GABRG1: variants seen among roughly 807,000 people sequenced by gnomAD.
The protein encoded by GABRG1 is gamma-aminobutyric acid type A receptor subunit gamma1.
A neutral mutation model predicts 49.8 loss-of-function variants in GABRG1; 49 were observed. The observed-to-expected ratio is 0.98, with a 90% CI of 0.78 to 1.25. The LOEUF (loss-of-function observed/expected upper bound fraction) is 1.25. Among genes scored for constraint, GABRG1 ranks in the 50% most tolerant of loss-of-function variants. The pLI is 0.00. For missense variants in GABRG1, 552 were observed against 552.3 expected, an observed-to-expected ratio of 1.00 and a Z score of 0.01; for synonymous variants, 232 against 185.1, an observed-to-expected ratio of 1.25 and a Z score of -2.06.
chr4:46,084,024 A>T lies in GABRG1; in HGVS notation c.283T>A (p.Tyr95Asn). The T allele has an allele frequency of 6.3e-7, 1 of 1,586,186 alleles. No individual in the cohort carries two copies. Among genetic ancestry groups the T allele is most frequent in the Non-Finnish European group, 8.6e-7 (1 of 1,160,452 alleles). ...VRPTVIETDV[Y>N]VNSIGPVDPI... Reference sequence around the variant, plus strand: ...TCAACTGGTCCAATGCTGTTTACATAAACATCAGTTTCAATTACTGTGGGC... The same window carrying T: ...TCAACTGGTCCAATGCTGTTTACATTAACATCAGTTTCAATTACTGTGGGC... Residue 95 changes from tyrosine to asparagine, a missense_variant, in exon 3 of 9, where the codon TAT (tyrosine) becomes AAT (asparagine). Tyr to Asn is a moderately radical substitution (Grantham distance 143). Transcript: ENST00000295452.
At chr4:46,081,623 T>A (rs1577653587) in intron 3 of GABRG1, among the ~76,000 whole-genome samples, 1 of 151,888 alleles carries the variant, frequency 6.6e-6, no homozygotes, top group Non-Finnish European at 1.5e-5. Flanking sequence ...TATTATAATA[T>A]TGAATAAATA....
intron 2 of GABRG1, among the ~76,000 whole-genome samples, chr4:46,086,761 C>A (rs1280799225): frequency 6.6e-6 from 1 of 151,492 alleles, no homozygotes; most frequent in Non-Finnish European, 1.5e-5. Flanking sequence ...AGCAAGCAAC[C>A]ACCTAGTGTG....
intron 3 of GABRG1, among the ~76,000 whole-genome samples, chr4:46,068,371 G>T (rs1050424492): frequency 6.6e-6 from 1 of 152,078 alleles, no homozygotes; most frequent in Non-Finnish European, 1.5e-5. Context: ...ATTAAATGTG[G>T]CACTTGAGAA....
At chr4:46,119,231 G>A (rs1721023573) in intron 1 of GABRG1, among the ~76,000 whole-genome samples, 2 of 151,220 alleles carry the variant, frequency 1.3e-5, no homozygotes, top group Admixed American at 1.3e-4. Context: ...TGCTTAATGT[G>A]ATTTTATCAA....
At chr4:46,085,528 C>T (rs1472964366) in intron 2 of GABRG1, among the ~76,000 whole-genome samples, 1 of 151,516 alleles carries the variant, frequency 6.6e-6, no homozygotes, top group Non-Finnish European at 1.5e-5. Context: ...TTGAGTTATT[C>T]TGTTCACCAT....
intron 1 of GABRG1, among the ~76,000 whole-genome samples, chr4:46,123,101 AACACACACAC>A (rs34086673): frequency 0.034 from 4,343 of 129,540 alleles, 236 homozygotes; most frequent in African/African-American, 0.11. Flanking sequence ...CATACACACA[AACACACACAC>A]ACACACACAC....
chr4:46,050,982 G>A (rs947856066), intron 8 of GABRG1, among the ~76,000 whole-genome samples: 1 of 151,604 alleles, frequency 6.6e-6, no homozygotes, highest in Non-Finnish European at 1.5e-5. Flanking sequence ...ATTGAGATGG[G>A]AGAGTAAAAT....
At chr4:46,098,683 T>C (rs1296456799) in intron 1 of GABRG1, among the ~76,000 whole-genome samples, 3 of 151,746 alleles carry the variant, frequency 2.0e-5, no homozygotes, top group Non-Finnish European at 4.4e-5. Flanking sequence ...GAAATATTAC[T>C]GCTTTTGATT....
rs1358401784 is a variant in GABRG1 at position 46,037,139 on chromosome 4, A to G, written c.*3849T>C. On this transcript the variant is annotated 3_prime_UTR_variant, in exon 9 of 9. Coordinates refer to ENST00000295452, the MANE Select transcript of GABRG1 (RefSeq NM_173536.4). ...TATAACTAATCCTCTCATCTTTCTG[A>G]CTACATTATATGTTCCTTGAAAGTC... 6.6e-6 allele frequency: 1 copy of G among 151,802 alleles called. No individual in the cohort carries two copies. The highest frequency in any genetic ancestry group is 1.5e-5 in the Non-Finnish European group (1 of 67,850). 9.4% of individuals were successfully genotyped at this position (151,802 alleles called of 1,614,324 possible).
chr4:46,103,342 T>C (rs1720443261), intron 1 of GABRG1, among the ~76,000 whole-genome samples: 1 of 151,642 alleles, frequency 6.6e-6, no homozygotes, highest in Admixed American at 6.6e-5. Flanking sequence ...GTACTGAGTA[T>C]ATGTACAGAA....
chr4:46,119,221 T>A lies in GABRG1; in HGVS notation c.104+4589A>T, dbSNP rs183767333. On this transcript the variant is annotated intron_variant, in intron 1 of 8. Transcript: ENST00000295452. ...GTGATAGGTACAAAGTAGATTTTTC[T>A]GCTTAATGTGATTTTATCAATGAAC... 3.2e-3 allele frequency among the ~76,000 whole-genome samples: 479 copies of A among 151,554 alleles called. 8 individuals are homozygous for A. The highest frequency in any genetic ancestry group is 6.4e-3 in the East Asian group (33 of 5,152).
chr4:46,069,745 T>C (rs1349400603), intron 3 of GABRG1, among the ~76,000 whole-genome samples: 1 of 152,114 alleles, frequency 6.6e-6, no homozygotes, highest in African/African-American at 2.4e-5. Context: ...TTGTTAGTTT[T>C]ATAATGTACT....
intron 1 of GABRG1, among the ~76,000 whole-genome samples, chr4:46,119,872 T>A (rs1413502487): frequency 6.6e-6 from 1 of 151,676 alleles, no homozygotes; most frequent in African/African-American, 2.4e-5. Flanking sequence ...CACACAAGGA[T>A]CCATATATTT....
At chr4:46,121,236 A>C (rs1364036383) in intron 1 of GABRG1, among the ~76,000 whole-genome samples, 1 of 151,894 alleles carries the variant, frequency 6.6e-6, no homozygotes, top group East Asian at 1.9e-4. Context: ...ATCATATAAA[A>C]CACTAAAATG....
At chr4:46,119,019 A>T (rs1050924677) in intron 1 of GABRG1, among the ~76,000 whole-genome samples, 1 of 151,256 alleles carries the variant, frequency 6.6e-6, no homozygotes, top group African/African-American at 2.4e-5. Context: ...TATATATAGC[A>T]TCCTTTAAAA....
At position 46,066,291 on chromosome 4, in the gene GABRG1, T is replaced by C. The variant is rs567523311; in HGVS notation, c.322-707A>G. ...AAATTTTTTAAGAGCCCTTACATTG[T>C]TTTTTGTCTAAAAAGTTAATTCCAA... On this transcript the variant is annotated intron_variant, in intron 3 of 8. Coordinates refer to ENST00000295452, the MANE Select transcript of GABRG1 (RefSeq NM_173536.4). 2.0e-5 allele frequency among the ~76,000 whole-genome samples: 3 copies of C among 152,252 alleles called. No individual in the cohort carries two copies. The East Asian group carries it at 5.8e-4, about 29-fold the overall frequency.
At chr4:46,103,686 A>G (rs1014952076) in intron 1 of GABRG1, among the ~76,000 whole-genome samples, 3 of 151,470 alleles carry the variant, frequency 2.0e-5, no homozygotes, top group African/African-American at 7.2e-5. Context: ...CATGACTACC[A>G]CTATTATTCT....
At chr4:46,067,930 G>A (rs1443361935) in intron 3 of GABRG1, among the ~76,000 whole-genome samples, 2 of 152,064 alleles carry the variant, frequency 1.3e-5, no homozygotes, top group African/African-American at 4.8e-5. Context: ...TGAACCTTGT[G>A]AAAAATTCTT....
intron 1 of GABRG1, among the ~76,000 whole-genome samples, chr4:46,109,594 G>A (rs989106508): frequency 5.3e-5 from 8 of 150,762 alleles, no homozygotes; most frequent in Admixed American, 3.3e-4. Context: ...AGTTTCCCCA[G>A]GTGCGATGTT....
Sources: allele counts gnomAD v4.1 joint callset (sites outside exome capture counted in the v4.1 genomes callset), GRCh38; gene constraint gnomAD v4.1.1; transcripts MANE v1.5; gene names NCBI Gene and HGNC (gene_info 2026-07-23, HGNC 2026-07-21).